Variants in ALDH1L1 observed in about 807,000 individuals in gnomAD.
ALDH1L1 encodes cytosolic 10-formyltetrahydrofolate dehydrogenase.
A neutral mutation model predicts 101.1 loss-of-function variants in ALDH1L1; 68 were observed. The observed-to-expected ratio is 0.67, with a 90% CI of 0.55 to 0.82. The LOEUF (loss-of-function observed/expected upper bound fraction) is 0.82, where lower values mean the gene tolerates loss of function less well. Among genes scored for constraint, ALDH1L1 ranks in the 40% least tolerant of loss-of-function variants. The pLI is 0.00. For synonymous variants in ALDH1L1, 486 were observed against 470.8 expected (o/e 1.03, Z -0.42); for missense variants, 1,087 against 1,172.7 (o/e 0.93, Z 1.07).
chr3:126,135,968 G>A (rs536523081), intron 11 of ALDH1L1, among the ~76,000 whole-genome samples: 21 of 152,214 alleles, frequency 1.4e-4, no homozygotes, highest in African/African-American at 4.3e-4. Context: ...GAGGGGAGCC[G>A]GTGGGGTGTG....
intron 12 of ALDH1L1, among the ~76,000 whole-genome samples, chr3:126,133,939 T>C (rs1287264297): frequency 6.6e-6 from 1 of 152,208 alleles, no homozygotes; most frequent in Non-Finnish European, 1.5e-5. Flanking sequence ...TCCTACTCCC[T>C]GGAGGTTCTA....
intron 14 of ALDH1L1, among the ~76,000 whole-genome samples, chr3:126,126,124 G>C (rs1003124571): frequency 1.3e-5 from 2 of 152,164 alleles, no homozygotes; most frequent in Non-Finnish European, 2.9e-5. Flanking sequence ...TCCAGAGTGT[G>C]AGGCCAGGTG....
chr3:126,193,624 G>A (rs759926381), intron 1 of ALDH1L1, among the ~76,000 whole-genome samples: 14 of 152,160 alleles, frequency 9.2e-5, no homozygotes, highest in Non-Finnish European at 1.5e-4. Context: ...GGAAGGACAA[G>A]GCAGCCATCC....
intron 8 of ALDH1L1, 142 bp from the exon 9 acceptor site, chr3:126,147,068 TCCCAG>T: frequency 5.4e-6 from 4 of 739,080 alleles, no homozygotes; most frequent in Non-Finnish European, 8.7e-6. Context: ...TGTTGCCTCA[TCCCAG>T]GAGGCTTAAT....
At position 126,103,638 on chromosome 3, in the gene ALDH1L1, G is replaced by A; in HGVS notation, c.*153C>T. 1.3e-6 allele frequency: 1 copy of A among 769,350 alleles called. No homozygotes were observed. The highest frequency in any genetic ancestry group is 2.1e-6 in the Non-Finnish European group (1 of 469,410). 47.7% of individuals were successfully genotyped at this position (769,350 alleles called of 1,614,324 possible). ...ACCCAGCCAAGGGCTGCTTCTGACT[G>A]GACAGAGGGCGTCCAAGATGCAGAC... On this transcript the variant is annotated 3_prime_UTR_variant, in exon 23 of 23. Transcript: ENST00000393434.
At chr3:126,194,160 C>G (rs1313485782) in intron 1 of ALDH1L1, among the ~76,000 whole-genome samples, 1 of 152,118 alleles carries the variant, frequency 6.6e-6, no homozygotes, top group Non-Finnish European at 1.5e-5. Flanking sequence ...TCTACAGTAA[C>G]TTAACATAAT....
At chr3:126,142,899 A>G (rs1286676639) in intron 9 of ALDH1L1, among the ~76,000 whole-genome samples, 2 of 152,228 alleles carry the variant, frequency 1.3e-5, no homozygotes, top group African/African-American at 4.8e-5. Flanking sequence ...CTGAAACCAC[A>G]TATAGGGCTG....
At chr3:126,141,785 C>G (rs1436298719) in intron 9 of ALDH1L1, among the ~76,000 whole-genome samples, 1 of 151,746 alleles carries the variant, frequency 6.6e-6, no homozygotes, top group South Asian at 2.1e-4. Flanking sequence ...ACACTGTACA[C>G]CTTAAGGAAT....
At chr3:126,132,407 G>A (rs138407886) in intron 12 of ALDH1L1, among the ~76,000 whole-genome samples, 2 of 152,298 alleles carry the variant, frequency 1.3e-5, no homozygotes, top group East Asian at 1.9e-4. Context: ...AGCTGTCCAC[G>A]CCACTCAGGA....
At chr3:126,166,649 A>T (rs566833454) in intron 1 of ALDH1L1, among the ~76,000 whole-genome samples, 6 of 152,264 alleles carry the variant, frequency 3.9e-5, no homozygotes, top group Admixed American at 2.0e-4. Flanking sequence ...GTTTTTCAAA[A>T]TAAATTTGTA....
At chr3:126,124,299 T>C (rs2080135886) in intron 16 of ALDH1L1, 65 bp downstream of exon 16, 5 of 1,434,140 alleles carry the variant, frequency 3.5e-6, no homozygotes, top group Non-Finnish European at 4.8e-6. Flanking sequence ...CAGTAGGGCC[T>C]GCTCTGCCCA....
At chr3:126,144,702 A>C (rs1414959471) in intron 9 of ALDH1L1, among the ~76,000 whole-genome samples, 3 of 152,224 alleles carry the variant, frequency 2.0e-5, no homozygotes, top group Non-Finnish European at 2.9e-5. Flanking sequence ...AAAATATTCA[A>C]CTCAAAATAT....
At chr3:126,138,907 A>G (rs1157883036) in intron 9 of ALDH1L1, among the ~76,000 whole-genome samples, 1 of 152,236 alleles carries the variant, frequency 6.6e-6, no homozygotes, top group African/African-American at 2.4e-5. Flanking sequence ...GTCTAGTCAA[A>G]TGCTTTCAGC....
chr3:126,179,885 C>G (rs924581226), intron 1 of ALDH1L1: 2 of 152,216 alleles, frequency 1.3e-5, no homozygotes, highest in African/African-American at 4.8e-5. Context: ...TATCCGGCCT[C>G]CCTCTGCACG....
At chr3:126,169,814 C>A (rs2081239435) in intron 1 of ALDH1L1, among the ~76,000 whole-genome samples, 1 of 150,456 alleles carries the variant, frequency 6.6e-6, no homozygotes, top group African/African-American at 2.5e-5. Flanking sequence ...TATAATAAAG[C>A]AAATCAGTCC....
intron 9 of ALDH1L1, among the ~76,000 whole-genome samples, chr3:126,142,303 T>C (rs1022724001): frequency 1.3e-5 from 2 of 152,096 alleles, no homozygotes; most frequent in African/African-American, 4.8e-5. Context: ...CTCAAACTCT[T>C]CCAAAAAACT....
chr3:126,180,646 G>C (rs2081458948), upstream of ALDH1L1: 5 of 1,315,830 alleles, frequency 3.8e-6, no homozygotes, highest in Non-Finnish European at 4.9e-6. Context: ...GGCGCGGGGC[G>C]GGCGGAGAGT....
At chr3:126,181,019 C>T, upstream of ALDH1L1, 1 of 1,597,704 alleles carries the variant, frequency 6.3e-7, no homozygotes, top group Non-Finnish European at 8.5e-7. Flanking sequence ...CGGGAATTTG[C>T]AGCCGCTTGC....
intron 2 of ALDH1L1, 89 bp downstream of exon 2, chr3:126,160,764 C>G: frequency 6.4e-6 from 10 of 1,556,280 alleles, no homozygotes; most frequent in Non-Finnish European, 4.3e-6. Flanking sequence ...CTGCAGACTT[C>G]TGCTCCCAGA....
Sources: gnomAD v4.1 joint callset for allele counts (sites outside exome capture counted in the v4.1 genomes callset) on GRCh38, gnomAD v4.1.1 for gene constraint, MANE v1.5 for transcripts, NCBI Gene and HGNC (gene_info 2026-07-23, HGNC 2026-07-21) for gene names.